Variants in DOK6 observed in about 807,000 individuals in gnomAD.
DOK6 encodes the protein docking protein 6.
In DOK6, 22 loss-of-function variants were observed where a neutral mutation model predicts 44.0. That is an observed-to-expected ratio of 0.50 (90% CI 0.36 to 0.71). The LOEUF (loss-of-function observed/expected upper bound fraction) is 0.71, where lower values mean the gene tolerates loss of function less well. DOK6 is among the 30% of genes least tolerant of loss of function. The pLI is 0.00. For synonymous variants in DOK6, 166 were observed against 145.5 expected (o/e 1.14, Z -1.01); for missense variants, 340 against 416.4 (o/e 0.82, Z 1.60).
At position 69,842,751 on chromosome 18, in the gene DOK6, G is replaced by A. The variant is rs1406771232; in HGVS notation, c.*1368G>A. On this transcript the variant is annotated 3_prime_UTR_variant, in exon 8 of 8. Transcript: ENST00000382713. ...AATTCAGGTCAACAAAGATATATTT[G>A]CCCTTAATTCTGGAGTTAAGTAAAA... The A allele has an allele frequency of 2.0e-5, 3 of 152,116 alleles. No individual in the cohort carries two copies. Among genetic ancestry groups the A allele is most frequent in the Non-Finnish European group, 2.9e-5 (2 of 68,022 alleles). The allele number at this position is 152,116 out of a possible 1,614,324, so 9.4% of individuals were successfully genotyped here.
chr18:69,822,279 G>A (rs752160148), intron 7 of DOK6, among the ~76,000 whole-genome samples: 4 of 152,176 alleles, frequency 2.6e-5, no homozygotes, highest in Non-Finnish European at 2.9e-5. Flanking sequence ...TGAAGGGCCT[G>A]AAATTTTACC....
At chr18:69,449,638 C>A (rs554745825) in intron 1 of DOK6, among the ~76,000 whole-genome samples, 2 of 152,198 alleles carry the variant, frequency 1.3e-5, no homozygotes, top group African/African-American at 4.8e-5. Flanking sequence ...CAGCAGGAAC[C>A]TCTGCAGACC....
At chr18:69,666,930 G>A (rs143338301) in intron 3 of DOK6, among the ~76,000 whole-genome samples, 238 of 152,268 alleles carry the variant, frequency 1.6e-3, no homozygotes, top group African/African-American at 5.5e-3. Flanking sequence ...AAATAAGTCT[G>A]CCTATCTGCA....
chr18:69,431,321 A>C (rs1978801395), intron 1 of DOK6, among the ~76,000 whole-genome samples: 1 of 152,238 alleles, frequency 6.6e-6, no homozygotes, highest in Non-Finnish European at 1.5e-5. Context: ...AGCTGTGTCC[A>C]GTTACCCCTT....
intron 1 of DOK6, among the ~76,000 whole-genome samples, chr18:69,461,498 C>T (rs144462598): frequency 9.8e-5 from 15 of 152,290 alleles, no homozygotes; most frequent in East Asian, 7.7e-4. Flanking sequence ...CATCTGCTTA[C>T]GGTGGAGCAC....
intron 2 of DOK6, among the ~76,000 whole-genome samples, chr18:69,595,933 C>T (rs1983730830): frequency 6.6e-6 from 1 of 152,106 alleles, no homozygotes; most frequent in South Asian, 2.1e-4. Context: ...AAGAATAAAG[C>T]TGACCATAAA....
intron 4 of DOK6, among the ~76,000 whole-genome samples, chr18:69,683,486 A>T (rs571165715): frequency 4.6e-5 from 7 of 152,338 alleles, no homozygotes; most frequent in African/African-American, 1.4e-4. Flanking sequence ...GTCACTGTAA[A>T]GTGGGAAGGT....
At chr18:69,623,996 C>T (rs1489570718) in intron 3 of DOK6, among the ~76,000 whole-genome samples, 3 of 152,072 alleles carry the variant, frequency 2.0e-5, no homozygotes, top group African/African-American at 7.2e-5. Flanking sequence ...CTGAGTGAAA[C>T]CTTAGTGAAT....
At chr18:69,498,549 TATG>T (rs1980959859) in intron 1 of DOK6, among the ~76,000 whole-genome samples, 1 of 152,210 alleles carries the variant, frequency 6.6e-6, no homozygotes, top group African/African-American at 2.4e-5. Flanking sequence ...TATAATTAGA[TATG>T]ATGACAGTGG....
At chr18:69,612,460 T>TGTGTGCGAGGGCGCAC (rs1568311320) in intron 3 of DOK6, among the ~76,000 whole-genome samples, 1 of 77,630 alleles carries the variant, frequency 1.3e-5, no homozygotes, top group Non-Finnish European at 2.7e-5. Flanking sequence ...TGTGCGAGCG[T>TGTGTGCGAGGGCGCAC]GCATATGTAT....
intron 1 of DOK6, among the ~76,000 whole-genome samples, chr18:69,559,641 ATATC>A (rs1440687318): frequency 6.6e-6 from 1 of 152,166 alleles, no homozygotes; most frequent in Non-Finnish European, 1.5e-5. Context: ...TTAAAAAAAT[ATATC>A]TAAAAGTATC....
chr18:69,786,387 G>A (rs1980429883), intron 7 of DOK6, among the ~76,000 whole-genome samples: 1 of 152,196 alleles, frequency 6.6e-6, no homozygotes, highest in African/African-American at 2.4e-5. Flanking sequence ...CAATGAATGA[G>A]TCACTTGTGG....
At chr18:69,713,424 T>G (rs1353509993) in intron 5 of DOK6, among the ~76,000 whole-genome samples, 2 of 152,182 alleles carry the variant, frequency 1.3e-5, no homozygotes, top group Non-Finnish European at 2.9e-5. Context: ...GCATACCAAA[T>G]CTCTTTTATT....
intron 1 of DOK6, among the ~76,000 whole-genome samples, chr18:69,496,088 G>C (rs1263103421): frequency 6.6e-6 from 1 of 152,200 alleles, no homozygotes. Context: ...TGCCTGCTCT[G>C]TGGGCTAGGA....
chr18:69,650,135 T>C (rs1386956347), intron 3 of DOK6, among the ~76,000 whole-genome samples: 3 of 152,120 alleles, frequency 2.0e-5, no homozygotes, highest in Non-Finnish European at 4.4e-5. Context: ...GCCAGTATGA[T>C]AGGTGGCATG....
chr18:69,407,293 A>T (rs1207219374), intron 1 of DOK6, among the ~76,000 whole-genome samples: 3 of 152,222 alleles, frequency 2.0e-5, no homozygotes, highest in Non-Finnish European at 2.9e-5. Context: ...AACAAAATTG[A>T]AATTATCTGT....
At chr18:69,828,066 T>C (rs747516674) in intron 7 of DOK6, among the ~76,000 whole-genome samples, 1 of 151,920 alleles carries the variant, frequency 6.6e-6, no homozygotes, top group Non-Finnish European at 1.5e-5. Context: ...CTGTACTTCA[T>C]CATCCTAAGT....
At chr18:69,562,782 A>C (rs1340852639) in intron 1 of DOK6, among the ~76,000 whole-genome samples, 2 of 152,336 alleles carry the variant, frequency 1.3e-5, no homozygotes, top group Middle Eastern at 6.8e-3. Flanking sequence ...ATGGCAACAA[A>C]AGCCAAAATT....
At position 69,564,483 on chromosome 18, in the gene DOK6, T is replaced by C. The variant is rs1197986568; in HGVS notation, c.67-4T>C. On this transcript the variant is annotated splice_polypyrimidine_tract_variant and splice_region_variant and intron_variant, in intron 1 of 7. Coordinates refer to ENST00000382713, the MANE Select transcript of DOK6 (RefSeq NM_152721.6). ...GATAATGGGATTCCTTTATTTGCTT[T>C]CAGATTTTCAGACGATGCTGGTTGG... is the stretch of plus-strand genomic sequence containing the variant. 1 of 1,613,362 alleles carries C rather than the reference T, an allele frequency of 6.2e-7. No individual in the cohort carries two copies. The highest frequency in any genetic ancestry group is 8.5e-7 in the Non-Finnish European group (1 of 1,179,642).
Sources: allele counts gnomAD v4.1 joint callset (sites outside exome capture counted in the v4.1 genomes callset), GRCh38; gene constraint gnomAD v4.1.1; transcripts MANE v1.5; gene names NCBI Gene and HGNC (gene_info 2026-07-23, HGNC 2026-07-21).